Variants in ABCB1 observed in about 807,000 individuals in gnomAD.
ABCB1 encodes ATP-dependent translocase ABCB1.
A neutral mutation model predicts 142.0 loss-of-function variants in ABCB1; 69 were observed. The ratio of observed to expected loss-of-function variants is 0.49; its 90% CI spans 0.40 to 0.59. ABCB1 has a LOEUF of 0.59. ABCB1 is among the 20% of genes least tolerant of loss of function. The probability of loss-of-function intolerance (pLI) is 0.00; values close to 1 mark genes in which losing one functional copy is unlikely to be tolerated. For synonymous variants in ABCB1, 532 were observed against 539.2 expected, an observed-to-expected ratio of 0.99 and a Z score of 0.18; for missense variants, 1,326 against 1,554.7, an observed-to-expected ratio of 0.85 and a Z score of 2.47.
intron 19 of ABCB1, among the ~76,000 whole-genome samples, chr7:87,537,613 T>G (rs1816355761): frequency 6.6e-6 from 1 of 152,262 alleles, no homozygotes; most frequent in East Asian, 1.9e-4. Context: ...AGCTCCATTT[T>G]GGAAATGTTA....
intron 1 of ABCB1, among the ~76,000 whole-genome samples, chr7:87,637,837 C>A (rs1477799151): frequency 1.3e-5 from 2 of 151,832 alleles, no homozygotes; most frequent in Non-Finnish European, 2.9e-5. Flanking sequence ...TTTCTGAGTG[C>A]ACAGTCATGT....
chr7:87,626,323 A>G (rs1350118159), intron 1 of ABCB1, among the ~76,000 whole-genome samples: 1 of 33,152 alleles, frequency 3.0e-5, no homozygotes, highest in Non-Finnish European at 4.7e-5. Flanking sequence ...TATATGTGTC[A>G]TATATATGTG....
chr7:87,692,357 G>A (rs1439265984), intron 1 of ABCB1, among the ~76,000 whole-genome samples: 1 of 152,094 alleles, frequency 6.6e-6, no homozygotes, highest in African/African-American at 2.4e-5. Flanking sequence ...CTCACAAGGC[G>A]AAGGCAGGAG....
chr7:87,633,864 GT>G (rs1384354876), intron 1 of ABCB1, among the ~76,000 whole-genome samples: 1 of 152,070 alleles, frequency 6.6e-6, no homozygotes, highest in Admixed American at 6.5e-5. Flanking sequence ...CCTGTTTTGT[GT>G]TGCTATAAAG....
chr7:87,540,633 G>A (rs1312686237), intron 18 of ABCB1, among the ~76,000 whole-genome samples: 3 of 152,012 alleles, frequency 2.0e-5, no homozygotes, highest in Non-Finnish European at 4.4e-5. Context: ...TATTTTTAGC[G>A]GAGACAGAGT....
At chr7:87,671,634 C>A (rs958887655) in intron 1 of ABCB1, among the ~76,000 whole-genome samples, 1 of 152,076 alleles carries the variant, frequency 6.6e-6, no homozygotes, top group African/African-American at 2.4e-5. Flanking sequence ...CTGTTGCTGG[C>A]CCAAAGGCAC....
At chr7:87,599,609 G>A (rs1042893408) in intron 2 of ABCB1, among the ~76,000 whole-genome samples, 1 of 152,134 alleles carries the variant, frequency 6.6e-6, no homozygotes, top group African/African-American at 2.4e-5. Flanking sequence ...AAGAGGCCGG[G>A]AAGGGTAAAA....
chr7:87,626,299 A>C (rs1296910716), intron 1 of ABCB1, among the ~76,000 whole-genome samples: 1 of 43,524 alleles, frequency 2.3e-5, no homozygotes, highest in Non-Finnish European at 3.8e-5. Flanking sequence ...TATATGTGTC[A>C]TATATATGTG....
At chr7:87,550,884 G>T in intron 9 of ABCB1, 46 bp from the exon 10 acceptor site, 1 of 1,188,376 alleles carries the variant, frequency 8.4e-7, no homozygotes, top group Non-Finnish European at 1.3e-6. Flanking sequence ...GATAGTGACA[G>T]CAATTTTTTT....
At chr7:87,683,048 TG>T (rs1827084622) in intron 1 of ABCB1, among the ~76,000 whole-genome samples, 1 of 152,314 alleles carries the variant, frequency 6.6e-6, no homozygotes, top group South Asian at 2.1e-4. Context: ...TTCACCTTTT[TG>T]TTTTATTATT....
In ABCB1 at chr7:87,509,471, C is replaced by T. The variant is rs2117069086; in HGVS notation, c.3293G>A (p.Gly1098Asp). The part of the protein sequence containing the change: ...DPLAGKVLLD[G>D]KEIKRLNVQW... ...AACATTCAGTCGCTTTATTTCTTTG[C>T]CATCAAGCAGCTGAAAACAAGAGTT... Residue 1098 changes from glycine to aspartate, a missense_variant, in exon 26 of 28, where the codon GGC becomes GAC. By Grantham distance (94) the Gly-to-Asp change is moderately conservative. Coordinates refer to ENST00000622132, the MANE Select transcript of ABCB1 (RefSeq NM_001348946.2). 6.2e-7 allele frequency: 1 copy of T among 1,614,066 alleles called. No homozygotes were observed. Among genetic ancestry groups the T allele is most frequent in the Non-Finnish European group, 8.5e-7 (1 of 1,180,018 alleles).
At chr7:87,682,295 CCTGTTAATGTTGATATT>C (rs1827002696) in intron 1 of ABCB1, among the ~76,000 whole-genome samples, 1 of 152,170 alleles carries the variant, frequency 6.6e-6, no homozygotes, top group African/African-American at 2.4e-5. Context: ...TTTCCAAATT[CCTGTTAATGTTGATATT>C]CTGTTAATGT....
intron 1 of ABCB1, among the ~76,000 whole-genome samples, chr7:87,608,925 A>T (rs1223082269): frequency 1.3e-5 from 2 of 152,210 alleles, no homozygotes; most frequent in African/African-American, 2.4e-5. Flanking sequence ...TTAAATTTGT[A>T]TTGGAAACTC....
chr7:87,692,388 T>C (rs1828098789), intron 1 of ABCB1, among the ~76,000 whole-genome samples: 1 of 152,164 alleles, frequency 6.6e-6, no homozygotes, highest in South Asian at 2.1e-4. Context: ...GTCCAAGAAT[T>C]TGAGGTTGCA....
chr7:87,573,979 A>G (rs1414081997), intron 4 of ABCB1, among the ~76,000 whole-genome samples: 2 of 152,214 alleles, frequency 1.3e-5, no homozygotes, highest in Non-Finnish European at 2.9e-5. Flanking sequence ...TTTAAATTTC[A>G]TGAGATTAAG....
In ABCB1 at chr7:87,570,227, G is replaced by A. The variant is rs200645954; in HGVS notation, c.287-4C>T. The stretch of plus-strand genomic sequence containing the variant: ...AACCCTGTATCATTGATATCACCTA[G>A]ACCACCACAAAACAAACATACCATT... On this transcript the variant is annotated splice_polypyrimidine_tract_variant and splice_region_variant and intron_variant, in intron 4 of 27. Coordinates refer to ENST00000622132, the MANE Select transcript of ABCB1 (RefSeq NM_001348946.2). 1 of 1,612,204 alleles carries A rather than the reference G, an allele frequency of 6.2e-7. No homozygotes were observed. The highest frequency in any genetic ancestry group is 8.5e-7 in the Non-Finnish European group (1 of 1,179,024).
intron 1 of ABCB1, chr7:87,628,917 G>C: frequency 7.6e-7 from 1 of 1,309,972 alleles, no homozygotes; most frequent in South Asian, 3.3e-5. Context: ...TGCTGCGGTG[G>C]AGAGGAGGAA....
At chr7:87,580,267 T>A (rs1398946459) in intron 4 of ABCB1, among the ~76,000 whole-genome samples, 1 of 152,238 alleles carries the variant, frequency 6.6e-6, no homozygotes, top group African/African-American at 2.4e-5. Flanking sequence ...CTTTTGTTCA[T>A]CTGAGAAAGT....
intron 1 of ABCB1, among the ~76,000 whole-genome samples, chr7:87,606,269 CA>C (rs1318627635): frequency 6.6e-6 from 1 of 151,894 alleles, no homozygotes; most frequent in Non-Finnish European, 1.5e-5. Context: ...ATTACAACAG[CA>C]AAGATATTTT....
Sources: gnomAD v4.1 joint callset for allele counts (sites outside exome capture counted in the v4.1 genomes callset) on GRCh38, gnomAD v4.1.1 for gene constraint, MANE v1.5 for transcripts, NCBI Gene and HGNC (gene_info 2026-07-23, HGNC 2026-07-21) for gene names.